KCNG2: variants seen among roughly 807,000 people sequenced by gnomAD.
KCNG2 encodes the protein voltage-gated potassium channel regulatory subunit KCNG2.
Under a neutral mutation model 12.3 loss-of-function variants are expected in KCNG2, and 7 were observed. The observed-to-expected ratio is 0.57, with a 90% CI of 0.32 to 1.07. KCNG2 has a LOEUF of 1.07. Among genes scored for constraint, KCNG2 ranks in the 50% least tolerant of loss-of-function variants. KCNG2 has a pLI of 0.04. For missense variants in KCNG2, 703 were observed against 726.0 expected (o/e 0.97, Z 0.36); for synonymous variants, 414 against 351.4 (o/e 1.18, Z -1.99).
Position 79,885,011 on chromosome 18 carries a change from G to T in KCNG2, c.625-14029G>T, listed in dbSNP as rs531944140. Among the ~76,000 whole-genome samples the T allele has an allele frequency of 2.0e-4, 30 of 152,304 alleles. 1 individual carries two copies. The East Asian group carries it at 5.6e-3, about 28-fold the overall frequency. Reference sequence around the variant, plus strand: ...AAGAAGCGCTTGCCCAACTCTCGGGGTGCTTGCTCACACCCCTCACAGTCC... The same window carrying T: ...AAGAAGCGCTTGCCCAACTCTCGGGTTGCTTGCTCACACCCCTCACAGTCC... On this transcript the variant is annotated intron_variant, in intron 3 of 3. Transcript: ENST00000316249.
intron 3 of KCNG2, among the ~76,000 whole-genome samples, chr18:79,871,172 G>A (rs990254869): frequency 3.3e-5 from 5 of 152,236 alleles, no homozygotes; most frequent in Admixed American, 6.5e-5. Context: ...TCCGGGGTCC[G>A]CCGTGAGGGT....
rs143327585 is a variant in KCNG2 at position 79,858,767 on chromosome 18, C to G, written c.-41+2315C>G. On this transcript the variant is annotated intron_variant, in intron 2 of 3. Coordinates refer to ENST00000316249, the MANE Select transcript of KCNG2 (RefSeq NM_012283.2). Reference sequence around the variant, plus strand: ...TTTCCATTTGTTTGACTATAACGACCCTAGTGGATGTGAAGTGGTATCTTG... The same window carrying G: ...TTTCCATTTGTTTGACTATAACGACGCTAGTGGATGTGAAGTGGTATCTTG... Among the ~76,000 whole-genome samples, 5 of 152,226 alleles carry G rather than the reference C, an allele frequency of 3.3e-5. No homozygotes were observed. The East Asian group carries it at 9.7e-4, about 29-fold the overall frequency.
intron 3 of KCNG2, among the ~76,000 whole-genome samples, chr18:79,865,685 C>T (rs1348325893): frequency 1.5e-5 from 2 of 136,468 alleles, no homozygotes; most frequent in Non-Finnish European, 3.1e-5. Flanking sequence ...GGTCTGGGTG[C>T]TGAGAGGTCT....
At chr18:79,874,618 T>C (rs1979993640) in intron 3 of KCNG2, among the ~76,000 whole-genome samples, 1 of 152,226 alleles carries the variant, frequency 6.6e-6, no homozygotes, top group African/African-American at 2.4e-5. Flanking sequence ...AGCTTCCCCT[T>C]GGGTTCAGAT....
chr18:79,875,523 C>G (rs1441729716), intron 3 of KCNG2, among the ~76,000 whole-genome samples: 1 of 152,242 alleles, frequency 6.6e-6, no homozygotes, highest in Non-Finnish European at 1.5e-5. Context: ...TCATGTGTTT[C>G]TCCTGTCGGC....
chr18:79,800,596 C>T lies in KCNG2; in HGVS notation c.-115+2582C>T, dbSNP rs2087401306. 1.3e-5 allele frequency among the ~76,000 whole-genome samples: 2 copies of T among 152,250 alleles called. No homozygotes were observed. The highest frequency in any genetic ancestry group is 4.1e-4 in the South Asian group (2 of 4,830). ...GTACCCCGCCTTCCCGTGTGGGAGGCACTCAGGGTCCTTGCTGGTGTCGGA... is the reference window on the plus strand; with the variant it reads ...GTACCCCGCCTTCCCGTGTGGGAGGTACTCAGGGTCCTTGCTGGTGTCGGA... On this transcript the variant is annotated intron_variant, in intron 1 of 3. Coordinates refer to ENST00000316249, the MANE Select transcript of KCNG2 (RefSeq NM_012283.2). This position sits in a 1 kb window ranked among gnomAD's most constrained non-coding sequence, Gnocchi z 4.0.
At chr18:79,868,006 C>T (rs939074690) in intron 3 of KCNG2, among the ~76,000 whole-genome samples, 2 of 152,212 alleles carry the variant, frequency 1.3e-5, no homozygotes, top group Non-Finnish European at 2.9e-5. Context: ...GTCTGGCGGC[C>T]AGGCTGCCTT....
At chr18:79,828,854 CTGTG>C (rs902613272) in intron 1 of KCNG2, among the ~76,000 whole-genome samples, 1 of 115,536 alleles carries the variant, frequency 8.7e-6, no homozygotes, top group Non-Finnish European at 1.7e-5. Context: ...GTGCATGTGT[CTGTG>C]TGTGGGTGTC....
intron 1 of KCNG2, among the ~76,000 whole-genome samples, chr18:79,837,325 C>T (rs1978338902): frequency 1.3e-5 from 2 of 152,222 alleles, no homozygotes; most frequent in Non-Finnish European, 2.9e-5. Flanking sequence ...GGCACAGCCC[C>T]CATGGCTGCT....
chr18:79,864,563 G>A (rs114421346), intron 3 of KCNG2, among the ~76,000 whole-genome samples: 4,407 of 152,326 alleles, frequency 0.029, 246 homozygotes, highest in African/African-American at 0.1. Flanking sequence ...CGCAGCATCC[G>A]GTCCACAGGC....
intron 3 of KCNG2, 21 bp downstream of exon 3, chr18:79,864,312 C>A: frequency 2.4e-6 from 3 of 1,245,982 alleles, no homozygotes; most frequent in South Asian, 1.5e-5. Flanking sequence ...CCGGGGGTGG[C>A]GGGGACCGGG....
chr18:79,849,056 C>G (rs1978723938), intron 1 of KCNG2, among the ~76,000 whole-genome samples: 1 of 152,136 alleles, frequency 6.6e-6, no homozygotes, highest in Non-Finnish European at 1.5e-5. Context: ...GGCCTGGGCC[C>G]GCGTTCTCCC....
intron 1 of KCNG2, among the ~76,000 whole-genome samples, chr18:79,819,237 G>T (rs2087553176): frequency 6.6e-6 from 1 of 152,220 alleles, no homozygotes; most frequent in African/African-American, 2.4e-5. Context: ...AGAGACACCA[G>T]GCAGGCCCTA....
At chr18:79,832,247 C>T (rs1978300148) in intron 1 of KCNG2, among the ~76,000 whole-genome samples, 1 of 150,912 alleles carries the variant, frequency 6.6e-6, no homozygotes. Context: ...TGCTCATCCT[C>T]ACCCGTGAGA....
chr18:79,818,534 TA>T (rs1429574507), intron 1 of KCNG2, among the ~76,000 whole-genome samples: 1 of 152,194 alleles, frequency 6.6e-6, no homozygotes, highest in Admixed American at 6.5e-5. Flanking sequence ...GTGATGAAGC[TA>T]TTTTTAGAAG....
chr18:79,855,023 GT>G (rs956942080), intron 1 of KCNG2, among the ~76,000 whole-genome samples: 1 of 151,988 alleles, frequency 6.6e-6, no homozygotes, highest in African/African-American at 2.4e-5. Flanking sequence ...TTCTCTGGGG[GT>G]TTTTTTGTTT....
At chr18:79,895,652 T>A (rs1171644473) in intron 3 of KCNG2, among the ~76,000 whole-genome samples, 1 of 152,202 alleles carries the variant, frequency 6.6e-6, no homozygotes, top group Non-Finnish European at 1.5e-5. Flanking sequence ...TTGATTGGGT[T>A]GTTCACTCCA....
rs1981146491 is a variant in KCNG2, at chr18:79,899,795, G to C, written c.1380G>C (p.Leu460=). Residue 460 remains leucine, a synonymous_variant, in exon 4 of 4, where the codon CTG becomes CTC. Transcript: ENST00000316249. ...TGGCCGACGACTCCGCGGATGCGCT[G>C]TGGGTGCGGGCAGGGCGCTGACGCC... The part of the protein sequence containing the change: ...AGLADDSADA[L]WVRAGR 1 of 1,434,490 alleles carries C rather than the reference G, an allele frequency of 7.0e-7. No homozygotes were observed. The highest frequency in any genetic ancestry group is 9.1e-7 in the Non-Finnish European group (1 of 1,102,584). The allele number at this position is 1,434,490 out of a possible 1,614,324, so 88.9% of individuals were successfully genotyped here.
chr18:79,879,316 G>T lies in KCNG2; in HGVS notation c.624+15025G>T, dbSNP rs552728145. Reference sequence around the variant, plus strand: ...TGGCAAGCCCCACCCAGGCCACAGGGCGTCCAAGCAGCAGTTTAGCGCCCC... The same window carrying T: ...TGGCAAGCCCCACCCAGGCCACAGGTCGTCCAAGCAGCAGTTTAGCGCCCC... On this transcript the variant is annotated intron_variant, in intron 3 of 3. Coordinates refer to ENST00000316249, the MANE Select transcript of KCNG2 (RefSeq NM_012283.2). 2.6e-5 allele frequency among the ~76,000 whole-genome samples: 4 copies of T among 152,332 alleles called. No individual in the cohort carries two copies. In the South Asian group the frequency reaches 8.3e-4, roughly 32 times the overall value.
Sources: allele counts gnomAD v4.1 joint callset (sites outside exome capture counted in the v4.1 genomes callset), GRCh38; gene constraint gnomAD v4.1.1; non-coding constraint Gnocchi (gnomAD v3.1); transcripts MANE v1.5; gene names NCBI Gene and HGNC (gene_info 2026-07-23, HGNC 2026-07-21).